Variants in TLN2 observed in about 807,000 individuals in gnomAD.
TLN2 encodes talin-2.
TLN2 carries 118 observed loss-of-function variants against 294.7 expected under a neutral mutation model. The observed-to-expected ratio is 0.40, with a 90% CI of 0.34 to 0.47. The LOEUF is 0.47. Ranked by LOEUF, TLN2 falls within the 20% of genes least tolerant of loss-of-function variation. The probability of loss-of-function intolerance (pLI) is 0.84; values close to 1 mark genes in which losing one functional copy is unlikely to be tolerated. For synonymous variants in TLN2, 1,431 were observed against 1,304.5 expected, an observed-to-expected ratio of 1.10 and a Z score of -2.09; for missense variants, 3,083 against 3,282.2, an observed-to-expected ratio of 0.94 and a Z score of 1.48.
chr15:62,717,617 C>A lies in TLN2; in HGVS notation c.2805C>A (p.Ile935=). ...CCGCAGCGGCAGCCACACAGACCAT[C>A]GCCGCCTCCCAGAATGCAGCTGTTT... ...KQAAAAATQT[I]AASQNAAVSN... is the part of the protein sequence containing the mutation. The change falls in exon 24 of 59, where the codon ATC becomes ATA. Residue 935 remains isoleucine (I), a synonymous_variant. Coordinates refer to ENST00000636159, the MANE Select transcript of TLN2 (RefSeq NM_015059.3). 6.2e-7 allele frequency: 1 copy of A among 1,603,272 alleles called. No individual in the cohort carries two copies. The highest frequency in any genetic ancestry group is 1.1e-5 in the South Asian group (1 of 88,852).
intron 37 of TLN2, among the ~76,000 whole-genome samples, chr15:62,759,585 G>C (rs1046396770): frequency 1.3e-5 from 2 of 152,228 alleles, no homozygotes; most frequent in African/African-American, 2.4e-5. Context: ...TTGATTGGCT[G>C]CCCTTCTTCC....
intron 1 of TLN2, among the ~76,000 whole-genome samples, chr15:62,430,474 A>G (rs925344180): frequency 1.3e-4 from 20 of 152,192 alleles, no homozygotes; most frequent in East Asian, 5.8e-4. Context: ...TTTACTCTCA[A>G]TTACCCTTAA....
chr15:62,707,220 C>A lies in TLN2; in HGVS notation c.2139C>A (p.Ala713=). 6.2e-7 allele frequency: 1 copy of A among 1,613,182 alleles called. No homozygotes were observed. The highest frequency in any genetic ancestry group is 8.5e-7 in the Non-Finnish European group (1 of 1,179,408). The part of the protein sequence containing the change: ...NRVIAAATQC[A]LSTSQLVACA... Reference sequence around the variant, plus strand: ...TAATTGCTGCTGCCACCCAGTGTGCCCTCTCCACCTCCCAGCTTGTGGCAT... The same window carrying A: ...TAATTGCTGCTGCCACCCAGTGTGCACTCTCCACCTCCCAGCTTGTGGCAT... Residue 713 remains alanine (A), a synonymous_variant, in exon 20 of 59, where the codon GCC becomes GCA. Coordinates refer to ENST00000636159, the MANE Select transcript of TLN2 (RefSeq NM_015059.3).
intron 51 of TLN2, among the ~76,000 whole-genome samples, chr15:62,807,090 G>T (rs904308549): frequency 6.6e-6 from 1 of 152,102 alleles, no homozygotes; most frequent in East Asian, 1.9e-4. Flanking sequence ...GAAAGATTCC[G>T]CTTTCACACA....
chr15:62,489,997 A>C (rs2038621062), intron 1 of TLN2, among the ~76,000 whole-genome samples: 1 of 152,222 alleles, frequency 6.6e-6, no homozygotes, highest in African/African-American at 2.4e-5. Context: ...TTCCTGACTC[A>C]TGAAATCTGT....
chr15:62,663,228 G>A (rs917453955), intron 9 of TLN2, among the ~76,000 whole-genome samples: 1 of 152,126 alleles, frequency 6.6e-6, no homozygotes, highest in Non-Finnish European at 1.5e-5. Context: ...CTATATGATT[G>A]TCTTAATTAC....
At chr15:62,617,516 C>T (rs936687684) in intron 2 of TLN2, among the ~76,000 whole-genome samples, 1 of 152,116 alleles carries the variant, frequency 6.6e-6, no homozygotes, top group African/African-American at 2.4e-5. Context: ...GTAACAGAAG[C>T]GGGGGGTACA....
At chr15:62,694,528 C>A in intron 14 of TLN2, 136 bp downstream of exon 14, 1 of 678,504 alleles carries the variant, frequency 1.5e-6, no homozygotes, top group Non-Finnish European at 2.5e-6. Flanking sequence ...GAATCTTCTT[C>A]AAGCGTGGTC....
At position 62,477,909 on chromosome 15, in the gene TLN2, G is replaced by A. The variant is rs1430911708; in HGVS notation, c.-238+87224G>A. On this transcript the variant is annotated intron_variant, in intron 1 of 58. Coordinates refer to ENST00000636159, the MANE Select transcript of TLN2 (RefSeq NM_015059.3). ...AGGTGGTGGGGGGGATGGAGGGGGG[G>A]GTGCAGCGGGGGCAGAGGGGAGCGG... Among the ~76,000 whole-genome samples the A allele has an allele frequency of 2.6e-3, 342 of 132,476 alleles. 5 individuals carry two copies. The highest frequency in any genetic ancestry group is 9.2e-3 in the African/African-American group (332 of 36,024). 86.9% of individuals were successfully genotyped at this position (132,476 alleles called of 152,430 possible). A position where few individuals can be genotyped will look rare whatever the true frequency, so the allele number is the denominator to read the frequency against.
At chr15:62,582,777 T>C (rs989630023) in intron 1 of TLN2, among the ~76,000 whole-genome samples, 2 of 152,172 alleles carry the variant, frequency 1.3e-5, no homozygotes, top group African/African-American at 4.8e-5. Context: ...GTGACTGTGT[T>C]ACCTGATTTA....
chr15:62,748,455 G>C lies in TLN2; in HGVS notation c.4119+11G>C, dbSNP rs2061734692. The C allele has an allele frequency of 1.9e-6, 3 of 1,607,568 alleles. No homozygotes were observed. Among genetic ancestry groups the C allele is most frequent in the Non-Finnish European group, 8.5e-7 (1 of 1,174,804 alleles). On this transcript the variant is annotated intron_variant, in intron 33 of 58. Coordinates refer to ENST00000636159, the MANE Select transcript of TLN2 (RefSeq NM_015059.3). Reference sequence around the variant, plus strand: ...CTGCGGGAGCTCGAGGTAGGTCCCTGGGAAGGCTGCTGAGGACTTGAGAGA... The same window carrying C: ...CTGCGGGAGCTCGAGGTAGGTCCCTCGGAAGGCTGCTGAGGACTTGAGAGA...
intron 1 of TLN2, among the ~76,000 whole-genome samples, chr15:62,562,746 C>A (rs538751245): frequency 5.9e-5 from 9 of 152,102 alleles, no homozygotes; most frequent in Non-Finnish European, 1.3e-4. Flanking sequence ...ATTCTTATGC[C>A]TTTGCATCTT....
chr15:62,697,733 G>A lies in TLN2; in HGVS notation c.1338G>A (p.Glu446=). Residue 446 remains glutamate (E), a synonymous_variant, in exon 15 of 59, where the codon GAG becomes GAA. Coordinates refer to ENST00000636159, the MANE Select transcript of TLN2 (RefSeq NM_015059.3). The stretch of plus-strand genomic sequence containing the variant: ...AGTTCAACCGGACCGGGAAGGCAGA[G>A]CACGGCTCAGTGGCGCTGCCGGCCG... ...QQQFNRTGKA[E]HGSVALPAVM... is the part of the protein sequence containing the mutation. 6.2e-7 allele frequency: 1 copy of A among 1,609,512 alleles called. No individual in the cohort carries two copies. The highest frequency in any genetic ancestry group is 8.5e-7 in the Non-Finnish European group (1 of 1,176,630).
chr15:62,561,951 G>C (rs2043000467), intron 1 of TLN2, among the ~76,000 whole-genome samples: 1 of 151,988 alleles, frequency 6.6e-6, no homozygotes, highest in Non-Finnish European at 1.5e-5. Flanking sequence ...TTAGATCCCT[G>C]GAGCACCCTG....
intron 1 of TLN2, among the ~76,000 whole-genome samples, chr15:62,491,336 AAATAT>A (rs1243203481): frequency 1.0e-5 from 1 of 95,812 alleles, no homozygotes; most frequent in African/African-American, 4.5e-5. Flanking sequence ...CAAAAAAAAA[AAATAT>A]ATATATATAT....
chr15:62,810,419 A>G (rs973548914), intron 52 of TLN2, among the ~76,000 whole-genome samples: 5 of 152,228 alleles, frequency 3.3e-5, no homozygotes, highest in African/African-American at 9.7e-5. Context: ...GGCTTCTGAC[A>G]GAGCCATGCC....
At chr15:62,489,741 TCTC>T (rs1192128044) in intron 1 of TLN2, among the ~76,000 whole-genome samples, 3 of 152,148 alleles carry the variant, frequency 2.0e-5, no homozygotes, top group African/African-American at 4.8e-5. Flanking sequence ...CACTGTGTCT[TCTC>T]CTTGTTCTCT....
rs563069833 is a variant in TLN2, at chr15:62,666,369, C to T, written c.789-7458C>T. On this transcript the variant is annotated intron_variant, in intron 9 of 58. Transcript: ENST00000636159. ...TAAGGCCCTTAGAAAAGAGGCTTCA[C>T]GCAGCATTCACCTTGCTTGGTCTTC... Among the ~76,000 whole-genome samples the T allele has an allele frequency of 3.0e-4, 46 of 152,190 alleles. 1 individual carries two copies. In the South Asian group the frequency reaches 6.8e-3, roughly 23 times the overall value.
At chr15:62,615,968 C>T (rs943900077) in intron 2 of TLN2, among the ~76,000 whole-genome samples, 2 of 151,968 alleles carry the variant, frequency 1.3e-5, no homozygotes, top group Non-Finnish European at 1.5e-5. Context: ...TCTGTTTCCT[C>T]GCCGTTTGTA....
Sources: gnomAD v4.1 joint callset for allele counts (sites outside exome capture counted in the v4.1 genomes callset) on GRCh38, gnomAD v4.1.1 for gene constraint, MANE v1.5 for transcripts, NCBI Gene and HGNC (gene_info 2026-07-23, HGNC 2026-07-21) for gene names.